The following ULK4 variants were observed in gnomAD, a reference collection of about 807,000 sequenced individuals.
ULK4 encodes the protein unc-51 like kinase 4, also known as inactive serine/threonine-protein kinase ULK4.
Under a neutral mutation model 160.6 loss-of-function variants are expected in ULK4, and 133 were observed. The observed-to-expected ratio is 0.83, with a 90% CI of 0.72 to 0.96. ULK4 has a LOEUF of 0.96. Among genes scored for constraint, ULK4 ranks in the 40% least tolerant of loss-of-function variants. The pLI is 0.00. For synonymous variants in ULK4, 534 were observed against 539.8 expected (o/e 0.99, Z 0.15); for missense variants, 1,580 against 1,499.5 (o/e 1.05, Z -0.89).
chr3:41,848,254 G>C (rs1410763281), intron 17 of ULK4, among the ~76,000 whole-genome samples: 1 of 147,978 alleles, frequency 6.8e-6, no homozygotes, highest in Non-Finnish European at 1.5e-5. Context: ...CAAGTAAAGT[G>C]CATAAGTAGA....
chr3:41,796,532 C>T, intron 20 of ULK4, among the ~76,000 whole-genome samples: 1 of 152,038 alleles, frequency 6.6e-6, no homozygotes, highest in East Asian at 1.9e-4. Context: ...GCAGAGGTTG[C>T]AGTGGCCTGA....
intron 2 of ULK4, among the ~76,000 whole-genome samples, chr3:41,942,214 A>G (rs1699980876): frequency 3.3e-5 from 5 of 152,298 alleles, no homozygotes; most frequent in Middle Eastern, 3.4e-3. Context: ...AAAAATAATA[A>G]TATCTCAATA....
rs916491768 is a variant in ULK4, at chr3:41,825,022, G to A, written c.1765-5516C>T. On this transcript the variant is annotated intron_variant, in intron 18 of 36. Transcript: ENST00000301831. ...GCTGTTCACCAATATCCGCTGTTCT[G>A]CAGCCTCCGCTGCTGATACCCAGGT... Among the ~76,000 whole-genome samples the A allele has an allele frequency of 2.4e-4, 37 of 152,322 alleles. 1 individual carries two copies. Among genetic ancestry groups the A allele is most frequent in the Non-Finnish European group, 3.1e-4 (21 of 68,026 alleles).
chr3:41,673,741 C>A (rs1299518208), intron 29 of ULK4, among the ~76,000 whole-genome samples: 1 of 151,988 alleles, frequency 6.6e-6, no homozygotes, highest in Non-Finnish European at 1.5e-5. Flanking sequence ...TGGTTCCAGT[C>A]TACCAAAGGC....
chr3:41,402,743 CAATTTGCTAAT>C (rs2082207477), intron 34 of ULK4, among the ~76,000 whole-genome samples: 2 of 152,096 alleles, frequency 1.3e-5, no homozygotes, highest in African/African-American at 4.8e-5. Flanking sequence ...TTGATGTATT[CAATTTGCTAAT>C]ATTTTGCTGA....
At chr3:41,444,500 A>G (rs1269506806) in intron 34 of ULK4, among the ~76,000 whole-genome samples, 2 of 152,058 alleles carry the variant, frequency 1.3e-5, no homozygotes, top group African/African-American at 2.4e-5. Context: ...TTCTCACATC[A>G]GTGAGATGTA....
chr3:41,856,603 GTGTATATATATACACA>G (rs1189978545), intron 17 of ULK4, among the ~76,000 whole-genome samples: 4 of 66,028 alleles, frequency 6.1e-5, no homozygotes, highest in East Asian at 3.5e-4. Flanking sequence ...ATATATATAT[GTGTATATATATACACA>G]TATATATATA....
chr3:41,254,643 A>G (rs1034690337), intron 35 of ULK4, among the ~76,000 whole-genome samples: 2 of 152,124 alleles, frequency 1.3e-5, no homozygotes, highest in South Asian at 4.1e-4. Flanking sequence ...GCCCTTTGGG[A>G]GGCTGAGGAG....
At position 41,323,725 on chromosome 3, in the gene ULK4, G is replaced by C. The variant is rs1215233210; in HGVS notation, c.3679-74151C>G. Among the ~76,000 whole-genome samples, 12 of 152,172 alleles carry C rather than the reference G, an allele frequency of 7.9e-5. 2 individuals are homozygous for C. Among genetic ancestry groups the C allele is most frequent in the Middle Eastern group, 6.8e-3 (2 of 294 alleles). On this transcript the variant is annotated intron_variant, in intron 35 of 36. Transcript: ENST00000301831. ...ACTCCCACGAGTGCTTACAGATGGA[G>C]TAAAAAGCAGACACAGTGTAAGGGG...
intron 30 of ULK4, among the ~76,000 whole-genome samples, chr3:41,657,553 T>C (rs1403281451): frequency 7.2e-5 from 11 of 152,028 alleles, no homozygotes; most frequent in African/African-American, 2.4e-4. Context: ...TCAAAACCAC[T>C]GATACCCTGT....
intron 31 of ULK4, among the ~76,000 whole-genome samples, chr3:41,580,012 C>T (rs2030154456): frequency 6.6e-6 from 1 of 152,180 alleles, no homozygotes; most frequent in Admixed American, 6.5e-5. Flanking sequence ...GTGAGGACTG[C>T]TTTCTTGCTG....
intron 22 of ULK4, among the ~76,000 whole-genome samples, chr3:41,752,367 C>A (rs532559188): frequency 6.6e-6 from 1 of 152,294 alleles, no homozygotes; most frequent in African/African-American, 2.4e-5. Flanking sequence ...GCAACTTCCA[C>A]TTCTGGCCAT....
At chr3:41,332,593 T>C (rs1194546193) in intron 35 of ULK4, among the ~76,000 whole-genome samples, 1 of 152,258 alleles carries the variant, frequency 6.6e-6, no homozygotes, top group Non-Finnish European at 1.5e-5. Flanking sequence ...TTAGTACTTA[T>C]CTTTGAAATC....
intron 22 of ULK4, among the ~76,000 whole-genome samples, chr3:41,722,747 A>G (rs982294509): frequency 6.6e-6 from 1 of 152,244 alleles, no homozygotes; most frequent in Admixed American, 6.5e-5. Flanking sequence ...TATAGGAAGA[A>G]TAGAAACATT....
intron 13 of ULK4, chr3:41,899,095 G>A (rs893080935): frequency 1.3e-5 from 2 of 152,462 alleles, no homozygotes; most frequent in Non-Finnish European, 2.9e-5. Flanking sequence ...GGTCTTGAAG[G>A]ATGGTTAATG....
chr3:41,384,820 G>A (rs1461492103), intron 35 of ULK4, among the ~76,000 whole-genome samples: 1 of 152,138 alleles, frequency 6.6e-6, no homozygotes, highest in Non-Finnish European at 1.5e-5. Context: ...CCTGACCTCA[G>A]GTGATCCACC....
At chr3:41,310,508 A>G (rs2080028550) in intron 35 of ULK4, among the ~76,000 whole-genome samples, 1 of 152,198 alleles carries the variant, frequency 6.6e-6, no homozygotes, top group Non-Finnish European at 1.5e-5. Flanking sequence ...ATAACACAAC[A>G]TAAAACGGAA....
chr3:41,247,413 C>G (rs1000030729), intron 36 of ULK4, among the ~76,000 whole-genome samples: 2 of 152,228 alleles, frequency 1.3e-5, no homozygotes, highest in Admixed American at 1.3e-4. Flanking sequence ...CTTTCTTACT[C>G]TTATAGGTGT....
At chr3:41,866,381 A>G (rs530077473) in intron 17 of ULK4, among the ~76,000 whole-genome samples, 41 of 152,210 alleles carry the variant, frequency 2.7e-4, no homozygotes, top group Non-Finnish European at 5.3e-4. Flanking sequence ...TGTGGAAGAC[A>G]ATTTTTCCAT....
Sources: allele counts gnomAD v4.1 joint callset (sites outside exome capture counted in the v4.1 genomes callset), GRCh38; gene constraint gnomAD v4.1.1; transcripts MANE v1.5; gene names NCBI Gene and HGNC (gene_info 2026-07-23, HGNC 2026-07-21).